The following CPO variants were observed in gnomAD, a reference collection of about 807,000 sequenced individuals.
CPO encodes the protein metallocarboxypeptidase C.
Under a neutral mutation model 41.2 loss-of-function variants are expected in CPO, and 43 were observed. The ratio of observed to expected loss-of-function variants is 1.04; its 90% CI spans 0.82 to 1.35. The LOEUF is 1.35. CPO is among the 40% of genes most tolerant of loss of function. The pLI, the probability that CPO is intolerant of heterozygous loss-of-function variation, is 0.00. For synonymous variants in CPO, 178 were observed against 162.7 expected (o/e 1.09, Z -0.72); for missense variants, 408 against 451.7 (o/e 0.90, Z 0.88).
chr2:206,942,601 T>A (rs1693049507), intron 1 of CPO, among the ~76,000 whole-genome samples: 1 of 152,144 alleles, frequency 6.6e-6, no homozygotes, highest in South Asian at 2.1e-4. Context: ...CAGACTTTAT[T>A]AATAATGTAC....
At chr2:206,960,556 C>T (rs1693459595) in intron 5 of CPO, among the ~76,000 whole-genome samples, 1 of 152,216 alleles carries the variant, frequency 6.6e-6, no homozygotes. Context: ...CCTGAGTAAG[C>T]AGATCACGTC....
At chr2:206,959,513 G>C (rs1693438780) in intron 4 of CPO, 118 bp from the exon 5 acceptor site, 1 of 615,646 alleles carries the variant, frequency 1.6e-6, no homozygotes, top group Admixed American at 2.8e-5. Flanking sequence ...AGGGCTTGGG[G>C]ACTGGAGGGT....
At chr2:206,940,343 A>C (rs1006733901) in intron 1 of CPO, among the ~76,000 whole-genome samples, 1 of 152,084 alleles carries the variant, frequency 6.6e-6, no homozygotes, top group Non-Finnish European at 1.5e-5. Context: ...GGAAAATGTA[A>C]GGATCTTGCT....
intron 3 of CPO, among the ~76,000 whole-genome samples, chr2:206,957,228 T>C (rs1693384614): frequency 6.6e-6 from 1 of 151,870 alleles, no homozygotes; most frequent in Non-Finnish European, 1.5e-5. Context: ...ATAAATACAT[T>C]AGCTGGGCGT....
chr2:206,948,868 A>G (rs1359682028), intron 1 of CPO, among the ~76,000 whole-genome samples: 1 of 152,184 alleles, frequency 6.6e-6, no homozygotes, highest in Admixed American at 6.5e-5. Context: ...AATATAAACA[A>G]TGGACTTTGG....
chr2:206,961,110 T>A (rs1693471136), intron 6 of CPO, among the ~76,000 whole-genome samples, 168 bp downstream of exon 6: 1 of 152,194 alleles, frequency 6.6e-6, no homozygotes, highest in African/African-American at 2.4e-5. Flanking sequence ...ATCTACATAG[T>A]AAGAGCTATC....
Position 206,957,710 on chromosome 2 carries a change from G to A in CPO, c.268-591G>A, listed in dbSNP as rs1008068175. ...ACCCACCTACCGCTCTGAAAGAGGG[G>A]AATCTTCCTTAGAGTGAGGCTGCAC... On this transcript the variant is annotated intron_variant, in intron 3 of 8. Transcript: ENST00000272852. Among the ~76,000 whole-genome samples, 5 of 152,274 alleles carry A rather than the reference G, an allele frequency of 3.3e-5. No homozygotes were observed. The South Asian group carries it at 8.3e-4, about 25-fold the overall frequency.
chr2:206,958,261 C>G (rs1693408625), intron 3 of CPO, 40 bp from the exon 4 acceptor site: 1 of 1,079,232 alleles, frequency 9.3e-7, no homozygotes, highest in African/African-American at 1.8e-5. Flanking sequence ...TTACAATAAT[C>G]AGCAATTGTT....
chr2:206,968,207 G>A lies in CPO; in HGVS notation c.778-56G>A, dbSNP rs890879706. 5.1e-6 allele frequency: 6 copies of A among 1,186,380 alleles called. No homozygotes were observed. In the African/African-American group the frequency reaches 9.0e-5, roughly 18 times the overall value. 73.5% of individuals were successfully genotyped at this position (1,186,380 alleles called of 1,614,324 possible). ...ATCTGGACAAAACACCAAATGGTTGGATTGTTGGATTTATTTTAAACACCA... is the reference window on the plus strand; with the variant it reads ...ATCTGGACAAAACACCAAATGGTTGAATTGTTGGATTTATTTTAAACACCA... On this transcript the variant is annotated intron_variant, in intron 7 of 8. Coordinates refer to ENST00000272852, the MANE Select transcript of CPO (RefSeq NM_173077.3).
At chr2:206,940,634 ATG>A (rs1307700773) in intron 1 of CPO, among the ~76,000 whole-genome samples, 1 of 151,682 alleles carries the variant, frequency 6.6e-6, no homozygotes, top group Non-Finnish European at 1.5e-5. Flanking sequence ...GTGTGTGTGT[ATG>A]TGTGTGTGTA....
intron 2 of CPO, among the ~76,000 whole-genome samples, chr2:206,950,384 C>A (rs879974219): frequency 1.3e-5 from 2 of 152,140 alleles, no homozygotes; most frequent in South Asian, 4.1e-4. Flanking sequence ...CAATGAAATA[C>A]CATCTCACGT....
At chr2:206,959,518 G>C in intron 4 of CPO, 113 bp from the exon 5 acceptor site, 2 of 620,916 alleles carry the variant, frequency 3.2e-6, no homozygotes, top group Non-Finnish European at 5.9e-6. Flanking sequence ...TTGGGGACTG[G>C]AGGGTGGAGG....
chr2:206,945,492 C>T (rs368366144), intron 1 of CPO, among the ~76,000 whole-genome samples: 68 of 152,232 alleles, frequency 4.5e-4, no homozygotes, highest in African/African-American at 1.4e-3. Flanking sequence ...AATGTTTGTG[C>T]GGCTTAGAGA....
Position 206,949,880 on chromosome 2 carries a change from C to T in CPO, c.165+167C>T, listed in dbSNP as rs141833465. Among the ~76,000 whole-genome samples the T allele has an allele frequency of 2.3e-3, 353 of 152,264 alleles. 2 individuals carry two copies. The highest frequency in any genetic ancestry group is 8.2e-3 in the African/African-American group (341 of 41,544). ...GATTCCTGAACATCTCCCCACCCGC[C>T]ACCACCATTGAAGCTGTAAAAGCTG... On this transcript the variant is annotated intron_variant, in intron 2 of 8. Coordinates refer to ENST00000272852, the MANE Select transcript of CPO (RefSeq NM_173077.3).
chr2:206,968,171 T>C, intron 7 of CPO, 92 bp from the exon 8 acceptor site: 1 of 875,730 alleles, frequency 1.1e-6, no homozygotes, highest in Non-Finnish European at 1.9e-6. Context: ...GGCCTAAAAC[T>C]CTGGAGATGA....
chr2:206,956,415 T>TCAGCAG (rs55661715), intron 3 of CPO, among the ~76,000 whole-genome samples: 4,325 of 151,132 alleles, frequency 0.029, 172 homozygotes, highest in African/African-American at 0.088. Context: ...ATCATCATCA[T>TCAGCAG]CAGCAGCAGC....
At chr2:206,949,772 A>T (rs1017002522) in intron 2 of CPO, 59 bp downstream of exon 2, 9 of 1,078,188 alleles carry the variant, frequency 8.3e-6, no homozygotes, top group Non-Finnish European at 1.3e-5. Flanking sequence ...TAGGATGGGC[A>T]AAGAATGGTT....
Position 206,939,644 on chromosome 2 carries a change from T to C in CPO, c.45T>C (p.Val15=). ...CCCTTTATCTTTTGGGGATGCTGGT[T>C]CCTGGAGGGCTGGGATATGATAGGT... is the stretch of plus-strand genomic sequence containing the variant. ...LETLYLLGML[V]PGGLGYDRSL... is the part of the protein sequence containing the mutation. Residue 15 remains valine (V), a synonymous_variant, in exon 1 of 9, where the codon GTT becomes GTC. Coordinates refer to ENST00000272852, the MANE Select transcript of CPO (RefSeq NM_173077.3). 1 of 1,611,314 alleles carries C rather than the reference T, an allele frequency of 6.2e-7. No homozygotes were observed. The highest frequency in any genetic ancestry group is 8.5e-7 in the Non-Finnish European group (1 of 1,177,944).
chr2:206,943,717 T>TAGATA (rs200267359), intron 1 of CPO, among the ~76,000 whole-genome samples: 4 of 68,878 alleles, frequency 5.8e-5, no homozygotes, highest in Admixed American at 2.5e-4. Flanking sequence ...GATAGATAGA[T>TAGATA]GATGGATAGA....
Sources: gnomAD v4.1 joint callset for allele counts (sites outside exome capture counted in the v4.1 genomes callset) on GRCh38, gnomAD v4.1.1 for gene constraint, MANE v1.5 for transcripts, NCBI Gene and HGNC (gene_info 2026-07-23, HGNC 2026-07-21) for gene names.